TMEM132E: variants seen among roughly 807,000 people sequenced by gnomAD.
The protein encoded by TMEM132E is transmembrane protein 132E.
In TMEM132E, 49 loss-of-function variants were observed where a neutral mutation model predicts 78.5. The observed-to-expected ratio is 0.62, with a 90% CI of 0.50 to 0.79. The LOEUF is 0.79. Ranked by LOEUF, TMEM132E falls within the 30% of genes least tolerant of loss-of-function variation. The pLI is 0.00. For missense variants in TMEM132E, 1,403 were observed against 1,470.9 expected, an observed-to-expected ratio of 0.95 and a Z score of 0.75; for synonymous variants, 715 against 670.6, an observed-to-expected ratio of 1.07 and a Z score of -1.02.
In TMEM132E at chr17:34,638,264, C is replaced by CT; in HGVS notation, c.*32_*33insT. Reference sequence around the variant, plus strand: ...CAGCCGGAGTAGCAGGGACCCCCCCCCCCAACGGGGTCAGCTCGGGGTAGG... The same window carrying CT: ...CAGCCGGAGTAGCAGGGACCCCCCCCTCCCAACGGGGTCAGCTCGGGGTAGG... On this transcript the variant is annotated 3_prime_UTR_variant, in exon 9 of 9. Transcript: ENST00000631683. The CT allele has an allele frequency of 6.8e-7, 1 of 1,473,366 alleles. No individual in the cohort carries two copies. The highest frequency in any genetic ancestry group is 9.0e-7 in the Non-Finnish European group (1 of 1,113,006). The allele number at this position is 1,473,366 out of a possible 1,614,324, so 91.3% of individuals were successfully genotyped here.
rs909784390 is a variant in TMEM132E at position 34,626,694 on chromosome 17, G to A, written c.635G>A (p.Arg212His). The change falls in exon 2 of 9, where the codon CGC becomes CAC. Residue 212 changes from arginine to histidine, a missense_variant. Arg to His is a conservative substitution (Grantham distance 29). This residue lies in a region of TMEM132E where 511 missense variants were observed against 499.0 expected (regional missense o/e 1.02). Coordinates refer to ENST00000631683, the MANE Select transcript of TMEM132E (RefSeq NM_001304438.2). The stretch of plus-strand genomic sequence containing the variant: ...GCCCCCGCTGCGCCACCCACGGCCC[G>A]CCGCAAGTCCCCGGACGGGCTGGAG... ...PPAPAAPPTA[R>H]RKSPDGLEPE... is the part of the protein sequence containing the mutation. The A allele has an allele frequency of 8.6e-6, 12 of 1,389,766 alleles. No homozygotes were observed. In the African/African-American group the frequency reaches 1.6e-4, roughly 19 times the overall value. The allele number at this position is 1,389,766 out of a possible 1,614,324, so 86.1% of individuals were successfully genotyped here.
At chr17:34,585,680 G>A (rs1905647759) in intron 1 of TMEM132E, among the ~76,000 whole-genome samples, 1 of 152,210 alleles carries the variant, frequency 6.6e-6, no homozygotes, top group East Asian at 1.9e-4. Flanking sequence ...CCCTCTCTCT[G>A]CAGCTTCTTC....
intron 1 of TMEM132E, among the ~76,000 whole-genome samples, chr17:34,584,245 C>G (rs929458943): frequency 6.6e-6 from 1 of 152,214 alleles, no homozygotes; most frequent in Non-Finnish European, 1.5e-5. Context: ...TTGCTTTTCT[C>G]ACTTTCCTGC....
intron 1 of TMEM132E, among the ~76,000 whole-genome samples, chr17:34,621,306 T>A (rs1249380115): frequency 1.3e-5 from 2 of 152,192 alleles, no homozygotes; most frequent in Non-Finnish European, 2.9e-5. Context: ...GTGAGGGTTG[T>A]CTTCCTGGCT....
chr17:34,636,803 G>A (rs1007685702), intron 8 of TMEM132E, among the ~76,000 whole-genome samples: 1 of 152,194 alleles, frequency 6.6e-6, no homozygotes, highest in Admixed American at 6.5e-5. Context: ...TGTCTGATGG[G>A]GGTAAGCCCA....
chr17:34,609,749 A>G (rs1597683299), intron 1 of TMEM132E, among the ~76,000 whole-genome samples: 2 of 152,188 alleles, frequency 1.3e-5, no homozygotes, highest in East Asian at 3.9e-4. Context: ...TATGTGAAAA[A>G]TCATGACAAT....
At chr17:34,586,866 T>C (rs968040156) in intron 1 of TMEM132E, among the ~76,000 whole-genome samples, 5 of 152,204 alleles carry the variant, frequency 3.3e-5, no homozygotes, top group African/African-American at 1.2e-4. Flanking sequence ...GCCTAAATTA[T>C]CTAGGACATT....
At position 34,626,600 on chromosome 17, in the gene TMEM132E, C is replaced by T. The variant is rs767855555; in HGVS notation, c.541C>T (p.Arg181Cys). The T allele has an allele frequency of 2.0e-6, 3 of 1,534,552 alleles. No homozygotes were observed. The highest frequency in any genetic ancestry group is 2.7e-5 in the African/African-American group (2 of 73,400). Residue 181 changes from arginine (R) to cysteine (C), a missense_variant, in exon 2 of 9, where the codon CGC becomes TGC. Coordinates refer to ENST00000631683, the MANE Select transcript of TMEM132E (RefSeq NM_001304438.2). ...RDAREVKSSC[R>C]LSGGLATCLV... is the part of the protein sequence containing the mutation. ...TGCCCGGGAAGTCAAGAGCTCCTGC[C>T]GCCTCAGCGGGGGCCTGGCCACTTG... is the stretch of plus-strand genomic sequence containing the variant.
chr17:34,606,166 G>A (rs535910103), intron 1 of TMEM132E, among the ~76,000 whole-genome samples: 26 of 152,236 alleles, frequency 1.7e-4, no homozygotes, highest in Non-Finnish European at 2.6e-4. Context: ...CCAACCTGGT[G>A]AAACCCCATC....
In TMEM132E at chr17:34,637,552, C is replaced by T. The variant is rs767028539; in HGVS notation, c.2545C>T (p.Leu849=). The change falls in exon 9 of 9, where the codon CTA becomes TTA. Residue 849 remains leucine, a synonymous_variant. Coordinates refer to ENST00000631683, the MANE Select transcript of TMEM132E (RefSeq NM_001304438.2). ...ARGAGPPGSA[L]PAPEAPGPGT... is the part of the protein sequence containing the mutation. Reference sequence around the variant, plus strand: ...GGGAGCTGGCCCGCCGGGCTCTGCGCTACCCGCACCGGAGGCTCCAGGCCC... The same window carrying T: ...GGGAGCTGGCCCGCCGGGCTCTGCGTTACCCGCACCGGAGGCTCCAGGCCC... 6.3e-7 allele frequency: 1 copy of T among 1,599,358 alleles called. No individual in the cohort carries two copies. Among genetic ancestry groups the T allele is most frequent in the South Asian group, 1.1e-5 (1 of 90,156 alleles).
rs1357772953 is a variant in TMEM132E, at chr17:34,632,828, A to G, written c.1607A>G (p.Lys536Arg). The change falls in exon 6 of 9, where the codon AAG becomes AGG. Residue 536 changes from lysine (K) to arginine (R), a missense_variant. Coordinates refer to ENST00000631683, the MANE Select transcript of TMEM132E (RefSeq NM_001304438.2). ...APLEMTVWVP[K>R]LPLHIELSDA... is the part of the protein sequence containing the mutation. ...CTGGAAATGACAGTCTGGGTCCCCA[A>G]GCTGCCCTTGCACATTGAGCTCTCA... is the stretch of plus-strand genomic sequence containing the variant. The G allele has an allele frequency of 6.8e-6, 11 of 1,614,084 alleles. No homozygotes were observed. The Admixed American group carries it at 1.0e-4, about 15-fold the overall frequency.
chr17:34,583,878 C>T (rs184330648), intron 1 of TMEM132E, among the ~76,000 whole-genome samples: 48 of 152,378 alleles, frequency 3.2e-4, no homozygotes, highest in Non-Finnish European at 5.7e-4. Flanking sequence ...GGGCCCAGTT[C>T]AGCCCATGAG....
rs1907630279 is a variant in TMEM132E at position 34,638,482 on chromosome 17, A to AC, written c.*254dup. ...CCAGTGGCTCGTAAGGAGGAAAGCA[A>AC]CCCCAGCCTCTGTTCTGCCCTTTCC... On this transcript the variant is annotated 3_prime_UTR_variant, in exon 9 of 9. Coordinates refer to ENST00000631683, the MANE Select transcript of TMEM132E (RefSeq NM_001304438.2). 1 of 449,088 alleles carries AC rather than the reference A, an allele frequency of 2.2e-6. No homozygotes were observed. The allele number at this position is 449,088 out of a possible 1,614,324, so 27.8% of individuals were successfully genotyped here.
intron 1 of TMEM132E, among the ~76,000 whole-genome samples, chr17:34,609,548 A>G (rs751450583): frequency 1.3e-5 from 2 of 152,164 alleles, no homozygotes; most frequent in Non-Finnish European, 2.9e-5. Context: ...ATGGAACGGC[A>G]GCTCTGTCTG....
rs768387006 is a variant in TMEM132E, at chr17:34,626,209, G to C, written c.150G>C (p.Ser50=). ...SPVLPVSYRL[S]HTRLAFFLRE... is the part of the protein sequence containing the mutation. ...TGCTGCCAGTCAGCTACCGCCTGTC[G>C]CACACGCGGCTGGCCTTCTTCCTGC... Residue 50 remains serine, a synonymous_variant, in exon 2 of 9, where the codon TCG becomes TCC. Coordinates refer to ENST00000631683, the MANE Select transcript of TMEM132E (RefSeq NM_001304438.2). 9 of 1,576,014 alleles carry C rather than the reference G, an allele frequency of 5.7e-6. No homozygotes were observed. The highest frequency in any genetic ancestry group is 7.7e-6 in the Non-Finnish European group (9 of 1,161,370).
At chr17:34,627,466 T>TCGTGTGCGCGCG (rs1555564400) in intron 2 of TMEM132E, among the ~76,000 whole-genome samples, 1 of 24,984 alleles carries the variant, frequency 4.0e-5, no homozygotes, top group African/African-American at 1.3e-4. Context: ...GCCAAAAGAA[T>TCGTGTGCGCGCG]CGTGTGTGTG....
At chr17:34,601,308 T>C (rs906469113) in intron 1 of TMEM132E, among the ~76,000 whole-genome samples, 2 of 152,112 alleles carry the variant, frequency 1.3e-5, no homozygotes, top group African/African-American at 4.8e-5. Context: ...ACAGTCAGCC[T>C]TTCCCAGTGA....
At chr17:34,592,707 C>T (rs1905916371) in intron 1 of TMEM132E, among the ~76,000 whole-genome samples, 1 of 152,210 alleles carries the variant, frequency 6.6e-6, no homozygotes, top group Non-Finnish European at 1.5e-5. Flanking sequence ...ATGCACTCCG[C>T]CTGACACTGT....
Position 34,638,547 on chromosome 17 carries a change from T to C in TMEM132E, c.*315T>C, listed in dbSNP as rs1218685094. ...CTTAAGCAACCCCCTGCCCCAAGAG[T>C]GAGGCAAGGAGGTCCAGCTTGGGGT... On this transcript the variant is annotated 3_prime_UTR_variant, in exon 9 of 9. Coordinates refer to ENST00000631683, the MANE Select transcript of TMEM132E (RefSeq NM_001304438.2). The C allele has an allele frequency of 3.5e-6, 1 of 284,134 alleles. No homozygotes were observed. Among genetic ancestry groups the C allele is most frequent in the East Asian group, 6.2e-5 (1 of 16,242 alleles). The allele number at this position is 284,134 out of a possible 1,614,324, so 17.6% of individuals were successfully genotyped here.
Sources: allele counts gnomAD v4.1 joint callset (sites outside exome capture counted in the v4.1 genomes callset), GRCh38; gene constraint gnomAD v4.1.1; regional missense constraint gnomAD v4.1.1; transcripts MANE v1.5; gene names NCBI Gene and HGNC (gene_info 2026-07-23, HGNC 2026-07-21).